STK32A: variants seen among roughly 807,000 people sequenced by gnomAD.
STK32A encodes serine/threonine kinase 32A, also known as serine/threonine-protein kinase 32A.
A neutral mutation model predicts 53.2 loss-of-function variants in STK32A; 41 were observed. The ratio of observed to expected loss-of-function variants is 0.77; its 90% CI spans 0.60 to 1.00. The LOEUF (loss-of-function observed/expected upper bound fraction) is 1.00, where lower values mean the gene tolerates loss of function less well. Ranked by LOEUF, STK32A falls within the 50% of genes least tolerant of loss-of-function variation. STK32A has a pLI of 0.00. For synonymous variants in STK32A, 166 were observed against 162.8 expected (o/e 1.02, Z -0.15); for missense variants, 458 against 485.8 (o/e 0.94, Z 0.54).
chr5:147,335,026 T>A (rs761877967), intron 5 of STK32A, among the ~76,000 whole-genome samples: 2 of 152,184 alleles, frequency 1.3e-5, no homozygotes, highest in Non-Finnish European at 2.9e-5. Context: ...TAACTAATAA[T>A]AGAACAATTA....
At chr5:147,244,456 G>A (rs537032309) in intron 2 of STK32A, among the ~76,000 whole-genome samples, 1 of 152,272 alleles carries the variant, frequency 6.6e-6, no homozygotes, top group Admixed American at 6.5e-5. Context: ...CCATCATACT[G>A]TCTTCTACCT....
chr5:147,300,135 A>G (rs762532468), intron 4 of STK32A, among the ~76,000 whole-genome samples: 3 of 152,126 alleles, frequency 2.0e-5, no homozygotes, highest in Non-Finnish European at 4.4e-5. Context: ...TAACTTCCCT[A>G]TTAGTAGTGT....
chr5:147,371,034 C>T lies in STK32A; in HGVS notation c.777+264C>T, dbSNP rs956220466. ...TCTTCTCAGGAAATTCTCTCAGTGACTGGCTTCTCTATCCAAATCCACTTA... is the reference window on the plus strand; with the variant it reads ...TCTTCTCAGGAAATTCTCTCAGTGATTGGCTTCTCTATCCAAATCCACTTA... On this transcript the variant is annotated intron_variant, in intron 9 of 12. Transcript: ENST00000397936. Among the ~76,000 whole-genome samples the T allele has an allele frequency of 6.6e-5, 10 of 152,278 alleles. No homozygotes were observed. In the East Asian group the frequency reaches 1.9e-3, roughly 29 times the overall value.
chr5:147,342,152 G>A (rs1755449051), intron 5 of STK32A, among the ~76,000 whole-genome samples: 1 of 152,092 alleles, frequency 6.6e-6, no homozygotes, highest in African/African-American at 2.4e-5. Context: ...AACAGGTTTT[G>A]GGAACACATT....
chr5:147,301,503 C>T (rs185263539), intron 4 of STK32A, among the ~76,000 whole-genome samples: 16 of 152,198 alleles, frequency 1.1e-4, no homozygotes, highest in South Asian at 2.1e-4. Context: ...ACAACTGCAC[C>T]TAAACTTGAA....
At chr5:147,394,066 C>G in the STK32A span, 1 of 1,614,166 alleles carries the variant, frequency 6.2e-7, no homozygotes, top group Non-Finnish European at 8.5e-7. Context: ...AGAACGGCCG[C>G]CTGGGGGCGC....
intron 5 of STK32A, among the ~76,000 whole-genome samples, chr5:147,337,695 G>T (rs1486925964): frequency 2.0e-5 from 3 of 151,802 alleles, no homozygotes; most frequent in South Asian, 4.2e-4. Flanking sequence ...TAGAACTTAC[G>T]TCCTAGTGGG....
At chr5:147,388,856 T>A (rs1447552375), downstream of STK32A, among the ~76,000 whole-genome samples, 1 of 152,160 alleles carries the variant, frequency 6.6e-6, no homozygotes, top group Non-Finnish European at 1.5e-5. Context: ...GACTGCTGCA[T>A]CCTGAGTTTA....
intron 2 of STK32A, among the ~76,000 whole-genome samples, chr5:147,266,987 C>T (rs1754839532): frequency 6.7e-6 from 1 of 150,054 alleles, no homozygotes; most frequent in African/African-American, 2.5e-5. Context: ...TGTGCCATTG[C>T]ACTTGTACTC....
At chr5:147,258,979 C>A (rs1269438127) in intron 2 of STK32A, among the ~76,000 whole-genome samples, 2 of 152,036 alleles carry the variant, frequency 1.3e-5, no homozygotes, top group Non-Finnish European at 2.9e-5. Context: ...AAACAGCTCT[C>A]ACGTTTGAAC....
intron 2 of STK32A, among the ~76,000 whole-genome samples, chr5:147,251,447 G>T (rs1010294083): frequency 1.2e-4 from 18 of 152,180 alleles, no homozygotes; most frequent in African/African-American, 4.3e-4. Context: ...AGCAGGACTG[G>T]ACAGAGGCAC....
intron 4 of STK32A, among the ~76,000 whole-genome samples, chr5:147,306,025 G>T (rs1753387506): frequency 6.6e-6 from 1 of 151,630 alleles, no homozygotes; most frequent in African/African-American, 2.4e-5. Context: ...GGTTTAGCTG[G>T]CAAACAATTT....
At chr5:147,251,906 T>C (rs1162433368) in intron 2 of STK32A, among the ~76,000 whole-genome samples, 1 of 152,148 alleles carries the variant, frequency 6.6e-6, no homozygotes, top group African/African-American at 2.4e-5. Flanking sequence ...TCCATGTATT[T>C]AACAATTCAT....
At chr5:147,369,433 T>C (rs1015833247) in intron 8 of STK32A, among the ~76,000 whole-genome samples, 2 of 152,166 alleles carry the variant, frequency 1.3e-5, no homozygotes, top group African/African-American at 4.8e-5. Flanking sequence ...AAAATCTCTC[T>C]CTTATATTGT....
intron 6 of STK32A, among the ~76,000 whole-genome samples, chr5:147,345,277 T>C (rs1364122473): frequency 6.6e-6 from 1 of 152,180 alleles, no homozygotes; most frequent in East Asian, 1.9e-4. Context: ...ATCAAAAGAA[T>C]ACTTAATTAG....
intron 2 of STK32A, among the ~76,000 whole-genome samples, chr5:147,265,826 C>T (rs1458330683): frequency 6.6e-6 from 1 of 152,144 alleles, no homozygotes; most frequent in Non-Finnish European, 1.5e-5. Context: ...TTCTTTGTAA[C>T]TGACTGTATT....
intron 5 of STK32A, among the ~76,000 whole-genome samples, chr5:147,325,647 G>A (rs770402482): frequency 1.8e-4 from 28 of 152,004 alleles, no homozygotes; most frequent in Non-Finnish European, 3.8e-4. Flanking sequence ...TGCTCTTCAG[G>A]CACCAGATAA....
intron 4 of STK32A, among the ~76,000 whole-genome samples, chr5:147,322,738 A>T (rs988874396): frequency 1.6e-4 from 25 of 152,238 alleles, no homozygotes; most frequent in African/African-American, 6.0e-4. Flanking sequence ...AATAAATCAC[A>T]GAGGTAGGAA....
At chr5:147,252,061 G>A (rs1049933779) in intron 2 of STK32A, among the ~76,000 whole-genome samples, 1 of 151,658 alleles carries the variant, frequency 6.6e-6, no homozygotes, top group Admixed American at 6.6e-5. Flanking sequence ...TAATTAGTTG[G>A]GTATGGTGGC....
Sources: gnomAD v4.1 joint callset for allele counts (sites outside exome capture counted in the v4.1 genomes callset) on GRCh38, gnomAD v4.1.1 for gene constraint, MANE v1.5 for transcripts, NCBI Gene and HGNC (gene_info 2026-07-23, HGNC 2026-07-21) for gene names.